Variants in BACH2 observed in about 807,000 individuals in gnomAD.
The protein encoded by BACH2 is BACH transcriptional regulator 2.
A neutral mutation model predicts 61.8 loss-of-function variants in BACH2; 5 were observed. That is an observed-to-expected ratio of 0.08 (90% CI 0.04 to 0.17). The LOEUF (loss-of-function observed/expected upper bound fraction) is 0.17. Among genes scored for constraint, BACH2 ranks in the 10% least tolerant of loss-of-function variants. The probability of loss-of-function intolerance (pLI) is 1.00; values close to 1 mark genes in which losing one functional copy is unlikely to be tolerated. For synonymous variants in BACH2, 446 were observed against 440.1 expected, an observed-to-expected ratio of 1.01 and a Z score of -0.17; for missense variants, 824 against 1,091.1, an observed-to-expected ratio of 0.76 and a Z score of 3.45.
intron 6 of BACH2, among the ~76,000 whole-genome samples, chr6:89,968,785 C>A (rs1038608418): frequency 6.6e-6 from 1 of 152,094 alleles, no homozygotes; most frequent in Non-Finnish European, 1.5e-5. Flanking sequence ...CTGAGGCTGG[C>A]CGATCCCTTG....
chr6:90,100,775 G>A (rs1451450720), intron 4 of BACH2, among the ~76,000 whole-genome samples: 1 of 107,172 alleles, frequency 9.3e-6, no homozygotes, highest in Non-Finnish European at 1.9e-5. Flanking sequence ...ATTCTCTGCA[G>A]AACCCTAACT....
rs116723053 is a variant in BACH2 at position 90,079,541 on chromosome 6, T to C, written c.-13+9420A>G. On this transcript the variant is annotated intron_variant, in intron 5 of 8. Transcript: ENST00000257749. ...TTCTTCCTTCGGAAGAGAAAAGTGC[T>C]GATAAACTATCATGTGTAGACACAC... Among the ~76,000 whole-genome samples, 563 of 152,332 alleles carry C rather than the reference T, an allele frequency of 3.7e-3. 7 individuals are homozygous for C. The highest frequency in any genetic ancestry group is 0.013 in the African/African-American group (534 of 41,578).
chr6:90,070,711 G>A (rs1250938141), intron 5 of BACH2, among the ~76,000 whole-genome samples: 1 of 152,166 alleles, frequency 6.6e-6, no homozygotes, highest in African/African-American at 2.4e-5. Context: ...GTTCCACTGT[G>A]GGCTAGCTGT....
intron 6 of BACH2, among the ~76,000 whole-genome samples, chr6:89,955,194 T>C (rs1774358019): frequency 6.6e-6 from 1 of 152,202 alleles, no homozygotes; most frequent in Non-Finnish European, 1.5e-5. Context: ...AGTGGAGAGC[T>C]AGGATTCCAA....
At chr6:90,065,678 C>A (rs965736836) in intron 5 of BACH2, among the ~76,000 whole-genome samples, 1 of 152,154 alleles carries the variant, frequency 6.6e-6, no homozygotes, top group South Asian at 2.1e-4. Flanking sequence ...CCAGCCAACT[C>A]ACAGAATCGT....
chr6:89,982,877 C>A (rs1776036012), intron 6 of BACH2, among the ~76,000 whole-genome samples: 1 of 152,206 alleles, frequency 6.6e-6, no homozygotes, highest in Non-Finnish European at 1.5e-5. Flanking sequence ...ATCTCTTCAG[C>A]CATTCTAACA....
At chr6:90,111,771 T>C (rs921912393) in intron 4 of BACH2, among the ~76,000 whole-genome samples, 1 of 152,216 alleles carries the variant, frequency 6.6e-6, no homozygotes, top group Non-Finnish European at 1.5e-5. Flanking sequence ...TGACAGCTGG[T>C]TTGTTGTCTG....
chr6:90,123,405 A>C (rs903826747), intron 4 of BACH2, among the ~76,000 whole-genome samples: 1 of 152,166 alleles, frequency 6.6e-6, no homozygotes, highest in African/African-American at 2.4e-5. Context: ...CATTGTTTTA[A>C]ATTGTCCAGT....
At position 90,011,932 on chromosome 6, in the gene BACH2, ATGTGTG is replaced by A. The variant is rs71027919; in HGVS notation, c.-12-3082_-12-3077del. On this transcript the variant is annotated intron_variant, in intron 5 of 8. Transcript: ENST00000257749. ...AAGACTCTGTCTCAAAAAAAAAAAT[ATGTGTG>A]TGTGTGTGTGTGTGTGTGTGTGTGT... 6.8e-3 allele frequency among the ~76,000 whole-genome samples: 776 copies of A among 114,284 alleles called. 2 individuals are homozygous for A. Among genetic ancestry groups the A allele is most frequent in the Admixed American group, 0.014 (151 of 10,648 alleles). The allele number at this position is 114,284 out of a possible 152,430, so 75.0% of individuals were successfully genotyped here.
chr6:89,944,198 G>A (rs1015646001), intron 7 of BACH2, among the ~76,000 whole-genome samples: 1 of 152,218 alleles, frequency 6.6e-6, no homozygotes, highest in Non-Finnish European at 1.5e-5. Flanking sequence ...AAAGTTCTTG[G>A]AGGATCTAGG....
chr6:90,279,381 G>A (rs1345089404), intron 1 of BACH2, among the ~76,000 whole-genome samples: 1 of 151,978 alleles, frequency 6.6e-6, no homozygotes, highest in Non-Finnish European at 1.5e-5. Context: ...AAATTAGCTG[G>A]GCACGGCAGC....
chr6:90,088,904 C>T (rs2127807422), intron 5 of BACH2, 57 bp downstream of exon 5: 1 of 152,350 alleles, frequency 6.6e-6, no homozygotes, highest in South Asian at 2.1e-4. Context: ...TTACTATCAC[C>T]TAAGAAAATA....
At chr6:90,134,002 G>A (rs942345557) in intron 4 of BACH2, among the ~76,000 whole-genome samples, 4 of 152,138 alleles carry the variant, frequency 2.6e-5, no homozygotes, top group Non-Finnish European at 4.4e-5. Flanking sequence ...CAATAAACAT[G>A]TGTGCATGTG....
chr6:90,283,450 A>G (rs1771919911), intron 1 of BACH2, among the ~76,000 whole-genome samples: 1 of 150,780 alleles, frequency 6.6e-6, no homozygotes, highest in Non-Finnish European at 1.5e-5. Context: ...ATCTTGGCTC[A>G]CTGCAAGCTC....
intron 5 of BACH2, among the ~76,000 whole-genome samples, chr6:90,071,246 A>G (rs1466128159): frequency 6.6e-6 from 1 of 152,224 alleles, no homozygotes; most frequent in East Asian, 1.9e-4. Context: ...TGTGGGCATG[A>G]GACCTCTTTT....
At chr6:90,215,550 G>A (rs765329616) in intron 3 of BACH2, among the ~76,000 whole-genome samples, 126 of 152,062 alleles carry the variant, frequency 8.3e-4, no homozygotes, top group Middle Eastern at 3.4e-3. Flanking sequence ...GACTTTTTGG[G>A]GTGGGTGGTC....
chr6:90,155,514 CTCCTT>C (rs1355701197), intron 4 of BACH2, among the ~76,000 whole-genome samples: 1 of 152,190 alleles, frequency 6.6e-6, no homozygotes, highest in Non-Finnish European at 1.5e-5. Flanking sequence ...TTTAGCTGAA[CTCCTT>C]TCATTTCATG....
chr6:89,957,167 G>T (rs766476832), intron 6 of BACH2, among the ~76,000 whole-genome samples: 1 of 152,116 alleles, frequency 6.6e-6, no homozygotes, highest in Non-Finnish European at 1.5e-5. Flanking sequence ...AAGCAATGCT[G>T]GTGACAATTA....
chr6:90,130,395 A>C (rs1433489214), intron 4 of BACH2, among the ~76,000 whole-genome samples: 1 of 152,222 alleles, frequency 6.6e-6, no homozygotes, highest in Non-Finnish European at 1.5e-5. Flanking sequence ...ACAGGAGCTA[A>C]CACCGAAGGA....
Sources: gnomAD v4.1 joint callset for allele counts (sites outside exome capture counted in the v4.1 genomes callset) on GRCh38, gnomAD v4.1.1 for gene constraint, MANE v1.5 for transcripts, NCBI Gene and HGNC (gene_info 2026-07-23, HGNC 2026-07-21) for gene names.